The following PRELID2 variants were observed in gnomAD, a reference collection of about 807,000 sequenced individuals.
The protein encoded by PRELID2 is PRELI domain-containing protein 2.
In PRELID2, 25 loss-of-function variants were observed where a neutral mutation model predicts 28.4. The ratio of observed to expected loss-of-function variants is 0.88; its 90% CI spans 0.64 to 1.23. The LOEUF (loss-of-function observed/expected upper bound fraction) is 1.23, where lower values mean the gene tolerates loss of function less well. PRELID2 is among the 50% of genes most tolerant of loss of function. The probability of loss-of-function intolerance (pLI) is 0.00; values close to 1 mark genes in which losing one functional copy is unlikely to be tolerated. For synonymous variants in PRELID2, 76 were observed against 71.6 expected (o/e 1.06, Z -0.31); for missense variants, 201 against 214.4 (o/e 0.94, Z 0.39).
At chr5:145,665,213 A>G (rs1351037236) in intron 1 of PRELID2, among the ~76,000 whole-genome samples, 6 of 152,138 alleles carry the variant, frequency 3.9e-5, no homozygotes, top group African/African-American at 1.4e-4. Context: ...TCAACACAAG[A>G]GAGTTTCAGT....
chr5:145,617,333 T>C (rs1753712895), intron 1 of PRELID2, among the ~76,000 whole-genome samples: 1 of 152,196 alleles, frequency 6.6e-6, no homozygotes. Flanking sequence ...TAAGTGTCCA[T>C]GAAATCTTCA....
the PRELID2 span, among the ~76,000 whole-genome samples, chr5:145,354,996 A>T: frequency 6.6e-6 from 1 of 152,162 alleles, no homozygotes; most frequent in African/African-American, 2.4e-5. Flanking sequence ...TGGAATGAAA[A>T]TTCGTTCAGT....
intron 1 of PRELID2, among the ~76,000 whole-genome samples, chr5:145,730,111 G>C (rs1177311991): frequency 6.6e-6 from 1 of 152,138 alleles, no homozygotes; most frequent in African/African-American, 2.4e-5. Context: ...CCTGGGTTTA[G>C]ATTATGGTGC....
At chr5:145,725,942 G>A (rs899375464) in intron 1 of PRELID2, among the ~76,000 whole-genome samples, 1 of 152,112 alleles carries the variant, frequency 6.6e-6, no homozygotes, top group African/African-American at 2.4e-5. Context: ...CAGCACTTTG[G>A]TAGGCCAAGG....
chr5:145,812,058 A>G (rs1019013667), intron 4 of PRELID2, among the ~76,000 whole-genome samples: 3 of 152,138 alleles, frequency 2.0e-5, no homozygotes, highest in Non-Finnish European at 4.4e-5. Context: ...GGATCTGCCA[A>G]TACACCTATA....
In PRELID2 at chr5:145,511,134, G is replaced by C. The variant is rs536655568; in HGVS notation, n.71-37819C>G. 1.5e-3 allele frequency among the ~76,000 whole-genome samples: 223 copies of C among 152,314 alleles called. 3 individuals are homozygous for C. Among genetic ancestry groups the C allele is most frequent in the African/African-American group, 5.2e-3 (215 of 41,584 alleles). On this transcript the variant is annotated intron_variant and non_coding_transcript_variant, in intron 1 of 2. Transcript: ENST00000510259. ...TCTCTAACTGCTGTCCTGAAATCCA[G>C]TTCAGTGAAAGCTATCACTAACCAC... is the stretch of plus-strand genomic sequence containing the variant.
chr5:145,299,930 C>T, the PRELID2 span, among the ~76,000 whole-genome samples: 6 of 151,944 alleles, frequency 3.9e-5, no homozygotes, highest in Non-Finnish European at 7.4e-5. Context: ...TTACCTTTAG[C>T]GGTTTTAAAT....
At chr5:145,754,399 C>T (rs1270434643), downstream of PRELID2, 1 of 152,146 alleles carries the variant, frequency 6.6e-6, no homozygotes, top group African/African-American at 2.4e-5. Flanking sequence ...GTTTGATATA[C>T]CCAAGAGATA....
the PRELID2 span, among the ~76,000 whole-genome samples, chr5:145,434,422 T>C: frequency 6.6e-6 from 1 of 152,212 alleles, no homozygotes; most frequent in Non-Finnish European, 1.5e-5. Context: ...CTGTATCATT[T>C]GTTTCTGATG....
At chr5:145,394,653 G>A in the PRELID2 span, among the ~76,000 whole-genome samples, 1 of 152,108 alleles carries the variant, frequency 6.6e-6, no homozygotes. Context: ...ACTAGGAATG[G>A]AGCCTTGATC....
intron 6 of PRELID2, among the ~76,000 whole-genome samples, chr5:145,762,824 G>A (rs1237259038): frequency 1.3e-5 from 2 of 152,178 alleles, no homozygotes; most frequent in Non-Finnish European, 2.9e-5. Flanking sequence ...AAAGTTGACC[G>A]AATACATGAC....
chr5:145,452,437 A>C, the PRELID2 span, among the ~76,000 whole-genome samples: 4 of 152,184 alleles, frequency 2.6e-5, no homozygotes, highest in East Asian at 1.9e-4. Flanking sequence ...TCATCTCCAA[A>C]TCTTCAGTAT....
At chr5:145,488,651 G>A (rs765481778) in intron 1 of PRELID2, among the ~76,000 whole-genome samples, 17 of 152,256 alleles carry the variant, frequency 1.1e-4, no homozygotes, top group South Asian at 4.1e-4. Flanking sequence ...TCAGTATTAC[G>A]TAAGTAATAT....
chr5:145,487,866 T>C (rs1752231608), intron 1 of PRELID2, among the ~76,000 whole-genome samples: 1 of 151,872 alleles, frequency 6.6e-6, no homozygotes, highest in South Asian at 2.1e-4. Context: ...GGCTCATGCC[T>C]GTAATCCCAG....
chr5:145,282,421 C>T, the PRELID2 span, among the ~76,000 whole-genome samples: 1 of 151,834 alleles, frequency 6.6e-6, no homozygotes, highest in African/African-American at 2.4e-5. Context: ...ACATTTAAGA[C>T]ATTAAATGGA....
rs376942619 is a variant in PRELID2, at chr5:145,654,555, C to T, written n.70+110376G>A. On this transcript the variant is annotated intron_variant and non_coding_transcript_variant, in intron 1 of 2. Transcript: ENST00000510259. ...CATCAAAAAGCTTATCCACCATGAT[C>T]AACTGGGCTTCAGCCCTGGGATGCA... Among the ~76,000 whole-genome samples the T allele has an allele frequency of 3.3e-5, 5 of 152,232 alleles. No individual in the cohort carries two copies. In the East Asian group the frequency reaches 5.8e-4, roughly 18 times the overall value.
chr5:145,507,540 T>C (rs1041670768), intron 1 of PRELID2, among the ~76,000 whole-genome samples: 11 of 152,166 alleles, frequency 7.2e-5, no homozygotes, highest in African/African-American at 2.4e-4. Flanking sequence ...ATTTTCCCTG[T>C]GTTTTTTCTA....
At chr5:145,357,031 G>A in the PRELID2 span, among the ~76,000 whole-genome samples, 1 of 152,240 alleles carries the variant, frequency 6.6e-6, no homozygotes, top group African/African-American at 2.4e-5. Flanking sequence ...TTCTTGGTTG[G>A]AATTTCCTTT....
intron 1 of PRELID2, among the ~76,000 whole-genome samples, chr5:145,650,154 A>C (rs991577052): frequency 1.3e-5 from 2 of 151,516 alleles, no homozygotes; most frequent in Non-Finnish European, 2.9e-5. Context: ...GAAACTTTAA[A>C]GTTTTACTAA....
Sources: gnomAD v4.1 joint callset for allele counts (sites outside exome capture counted in the v4.1 genomes callset) on GRCh38, gnomAD v4.1.1 for gene constraint, MANE v1.5 for transcripts, NCBI Gene and HGNC (gene_info 2026-07-23, HGNC 2026-07-21) for gene names.